Variants in APBB2 observed in about 807,000 individuals in gnomAD.
The protein encoded by APBB2 is Fe65-like 1.
A neutral mutation model predicts 82.5 loss-of-function variants in APBB2; 38 were observed. The observed-to-expected ratio is 0.46, with a 90% CI of 0.36 to 0.60. The LOEUF (loss-of-function observed/expected upper bound fraction) is 0.60, where lower values mean the gene tolerates loss of function less well. APBB2 is among the 20% of genes least tolerant of loss of function. The pLI, the probability that APBB2 is intolerant of heterozygous loss-of-function variation, is 0.00. For missense variants in APBB2, 772 were observed against 972.3 expected, an observed-to-expected ratio of 0.79 and a Z score of 2.74; for synonymous variants, 341 against 368.2, an observed-to-expected ratio of 0.93 and a Z score of 0.85.
At position 41,127,423 on chromosome 4, in the gene APBB2, CAT is replaced by C. The variant is rs1320630445; in HGVS notation, c.-261+15562_-261+15563del. ...AAAAATTTCATTCTCACTCACTTCA[CAT>C]GTGCCTTTTCATGTAGCCATTCACT... On this transcript the variant is annotated intron_variant, in intron 2 of 17. Coordinates refer to ENST00000508593, the MANE Select transcript of APBB2 (RefSeq NM_004307.2). This position sits in a 1 kb window ranked among gnomAD's most constrained non-coding sequence, Gnocchi z 4.8. Among the ~76,000 whole-genome samples the C allele has an allele frequency of 6.6e-6, 1 of 152,228 alleles. No individual in the cohort carries two copies. The highest frequency in any genetic ancestry group is 1.5e-5 in the Non-Finnish European group (1 of 68,036).
chr4:41,197,348 C>T, intron 1 of APBB2, among the ~76,000 whole-genome samples: 2 of 152,208 alleles, frequency 1.3e-5, no homozygotes, highest in South Asian at 4.1e-4. Flanking sequence ...GATGAGCCTT[C>T]TTAATGCTTA....
intron 1 of APBB2, among the ~76,000 whole-genome samples, chr4:41,147,331 T>C (rs1195424594): frequency 6.6e-6 from 1 of 152,102 alleles, no homozygotes; most frequent in Admixed American, 6.5e-5. Flanking sequence ...TAAACAGAAA[T>C]GAGAACTGGA....
chr4:41,077,316 T>C (rs372932756), intron 3 of APBB2, among the ~76,000 whole-genome samples: 21 of 151,978 alleles, frequency 1.4e-4, no homozygotes, highest in African/African-American at 4.3e-4. Flanking sequence ...GCCAGGGATT[T>C]TTTTTTAAAC....
chr4:41,155,702 C>T (rs10035059), intron 1 of APBB2, among the ~76,000 whole-genome samples: 19,540 of 152,204 alleles, frequency 0.13, 1,290 homozygotes, highest in East Asian at 0.14. Flanking sequence ...CATTCCTAAA[C>T]TCTTGCCTAA....
intron 6 of APBB2, among the ~76,000 whole-genome samples, chr4:40,988,470 T>C (rs1393184989): frequency 6.6e-6 from 1 of 151,602 alleles, no homozygotes; most frequent in Non-Finnish European, 1.5e-5. Context: ...ACCTTGTCTT[T>C]ACTAAAAATA....
chr4:41,173,471 G>A (rs557342868), intron 1 of APBB2, among the ~76,000 whole-genome samples: 2 of 152,138 alleles, frequency 1.3e-5, no homozygotes, highest in Non-Finnish European at 2.9e-5. Context: ...GAGTGTGTTA[G>A]TTCTTAGGCA....
At chr4:40,959,470 A>C (rs957842747) in intron 6 of APBB2, among the ~76,000 whole-genome samples, 3 of 152,220 alleles carry the variant, frequency 2.0e-5, no homozygotes, top group Non-Finnish European at 4.4e-5. Flanking sequence ...CAACGATCAC[A>C]AAATGGAAGC....
intron 2 of APBB2, among the ~76,000 whole-genome samples, chr4:41,123,865 A>T (rs1176746606): frequency 6.6e-6 from 1 of 152,176 alleles, no homozygotes; most frequent in Admixed American, 6.5e-5. Flanking sequence ...AAAAACCACA[A>T]GTAAATTTAA....
In APBB2 at chr4:41,014,178, G is replaced by A; in HGVS notation, c.240C>T (p.Gly80=). 6.2e-7 allele frequency: 1 copy of A among 1,614,210 alleles called. No homozygotes were observed. The highest frequency in any genetic ancestry group is 8.5e-7 in the Non-Finnish European group (1 of 1,180,038). The change falls in exon 6 of 18, where the codon GGC becomes GGT. Residue 80 remains glycine, a synonymous_variant. Transcript: ENST00000508593. ...YALTNIQAAM[G]LSDPAAQPLL... is the part of the protein sequence containing the mutation. ...GGGGCTGTGCAGCTGGATCCGAGAG[G>A]CCCATGGCCGCCTGGATGTTAGTTA...
chr4:40,877,592 T>A (rs1204635104), intron 12 of APBB2, among the ~76,000 whole-genome samples: 10 of 152,214 alleles, frequency 6.6e-5, no homozygotes, highest in Admixed American at 6.5e-4. Flanking sequence ...ATGGCATTAA[T>A]GCCTTAATCG....
intron 10 of APBB2, among the ~76,000 whole-genome samples, chr4:40,915,096 C>G (rs1174049245): frequency 6.6e-6 from 1 of 152,236 alleles, no homozygotes; most frequent in Non-Finnish European, 1.5e-5. Context: ...TTATCCGACT[C>G]TTGTCCCCAC....
chr4:41,180,349 A>T (rs968880412), intron 1 of APBB2, among the ~76,000 whole-genome samples: 1 of 152,224 alleles, frequency 6.6e-6, no homozygotes, highest in Non-Finnish European at 1.5e-5. Context: ...TCACGTCAGT[A>T]ATCCCAGCCC....
intron 6 of APBB2, among the ~76,000 whole-genome samples, chr4:40,995,428 T>G (rs536186910): frequency 6.6e-6 from 1 of 152,084 alleles, no homozygotes; most frequent in East Asian, 1.9e-4. Context: ...CAGGCTGGAG[T>G]GTAGTGGCAC....
chr4:41,102,605 A>C (rs1268702107), intron 2 of APBB2, among the ~76,000 whole-genome samples: 1 of 152,224 alleles, frequency 6.6e-6, no homozygotes, highest in East Asian at 1.9e-4. Context: ...GAATGAACAC[A>C]GTCCATGCCT....
At chr4:41,048,864 A>G (rs559637524) in intron 4 of APBB2, among the ~76,000 whole-genome samples, 1 of 152,270 alleles carries the variant, frequency 6.6e-6, no homozygotes, top group East Asian at 1.9e-4. Flanking sequence ...TGGTGGAGAC[A>G]GGGTTTCGCT....
At chr4:41,184,383 A>G (rs777518360) in intron 1 of APBB2, among the ~76,000 whole-genome samples, 6 of 152,192 alleles carry the variant, frequency 3.9e-5, no homozygotes, top group African/African-American at 9.7e-5. Context: ...GCAATGGCCA[A>G]AAGACCCTAC....
At chr4:40,970,053 T>A (rs1456702550) in intron 6 of APBB2, among the ~76,000 whole-genome samples, 2 of 152,188 alleles carry the variant, frequency 1.3e-5, no homozygotes, top group African/African-American at 2.4e-5. Context: ...AGGGGATCCA[T>A]CTTTTTTCTG....
chr4:40,907,367 ATATATATATATATTTTT>A (rs1340097846), intron 10 of APBB2, among the ~76,000 whole-genome samples: 19 of 71,606 alleles, frequency 2.7e-4, no homozygotes, highest in Non-Finnish European at 3.6e-4. Flanking sequence ...ATATATATAT[ATATATATATATATTTTT>A]TTTTTTTTTT....
intron 10 of APBB2, among the ~76,000 whole-genome samples, chr4:40,895,135 G>C (rs976703126): frequency 3.9e-5 from 6 of 152,142 alleles, no homozygotes; most frequent in African/African-American, 1.4e-4. Flanking sequence ...ACCGTGCACA[G>C]ACTGGGCACC....
Sources: gnomAD v4.1 joint callset for allele counts (sites outside exome capture counted in the v4.1 genomes callset) on GRCh38, gnomAD v4.1.1 for gene constraint, Gnocchi (gnomAD v3.1) non-coding constraint, MANE v1.5 for transcripts, NCBI Gene and HGNC (gene_info 2026-07-23, HGNC 2026-07-21) for gene names.